Variants in MRTFB observed in about 807,000 individuals in gnomAD.
The protein encoded by MRTFB is myocardin related transcription factor B, also known as myocardin-related transcription factor B.
MRTFB carries 29 observed loss-of-function variants against 104.2 expected under a neutral mutation model. That is an observed-to-expected ratio of 0.28 (90% confidence interval 0.21 to 0.38). MRTFB has a LOEUF of 0.38. Ranked by LOEUF, MRTFB falls within the 10% of genes least tolerant of loss-of-function variation. MRTFB has a pLI of 1.00. For synonymous variants in MRTFB, 535 were observed against 519.5 expected, an observed-to-expected ratio of 1.03 and a Z score of -0.41; for missense variants, 1,270 against 1,341.6, an observed-to-expected ratio of 0.95 and a Z score of 0.83.
At chr16:14,015,663 C>T in the MRTFB span, among the ~76,000 whole-genome samples, 2 of 152,116 alleles carry the variant, frequency 1.3e-5, no homozygotes, top group Admixed American at 1.3e-4. Context: ...GAGGTGGCAC[C>T]AGGAATGGAT....
the MRTFB span, among the ~76,000 whole-genome samples, chr16:14,046,291 A>G: frequency 2.0e-5 from 3 of 152,036 alleles, no homozygotes; most frequent in Non-Finnish European, 4.4e-5. Flanking sequence ...GTGCCACCGC[A>G]CTCCAGCCTG....
intron 2 of MRTFB, among the ~76,000 whole-genome samples, chr16:14,086,012 A>G (rs147002748): frequency 6.6e-6 from 1 of 152,216 alleles, no homozygotes; most frequent in African/African-American, 2.4e-5. Context: ...TAGTATAGAC[A>G]TGGGAAAGTT....
chr16:14,204,550 T>A (rs1016978888), intron 3 of MRTFB, among the ~76,000 whole-genome samples: 1 of 152,200 alleles, frequency 6.6e-6, no homozygotes, highest in Non-Finnish European at 1.5e-5. Context: ...TGCATAAAAG[T>A]AGAGCAAATT....
chr16:14,091,859 G>A (rs533756671), intron 2 of MRTFB, among the ~76,000 whole-genome samples: 63 of 152,036 alleles, frequency 4.1e-4, no homozygotes, highest in African/African-American at 1.3e-3. Context: ...GCCAGGCATG[G>A]TGGCAGCTGC....
chr16:14,052,739 C>CA, the MRTFB span, among the ~76,000 whole-genome samples: 6,613 of 74,582 alleles, frequency 0.089, 456 homozygotes, highest in African/African-American at 0.25. Context: ...AACTCCATCT[C>CA]AAAAAAAAAA....
At chr16:14,212,511 A>G in intron 5 of MRTFB, 102 bp downstream of exon 5, 2 of 1,040,982 alleles carry the variant, frequency 1.9e-6, no homozygotes, top group Non-Finnish European at 2.9e-6. Flanking sequence ...ATATGTCAAT[A>G]GAGAAAAAAT....
At chr16:14,248,392 G>T (rs2043113977) in intron 12 of MRTFB, 1 of 152,178 alleles carries the variant, frequency 6.6e-6, no homozygotes, top group South Asian at 2.1e-4. Context: ...TTATCTTTAG[G>T]GTATCTGTGA....
chr16:14,075,288 C>A (rs2033968574), intron 1 of MRTFB, among the ~76,000 whole-genome samples: 1 of 152,222 alleles, frequency 6.6e-6, no homozygotes, highest in Admixed American at 6.5e-5. Context: ...CTTTGCGTAC[C>A]TTCTTCCTCA....
chr16:14,030,574 T>C, the MRTFB span, among the ~76,000 whole-genome samples: 44 of 152,318 alleles, frequency 2.9e-4, no homozygotes, highest in African/African-American at 9.4e-4. Flanking sequence ...AAGTTGACCC[T>C]AATTGCTGAC....
chr16:14,063,738 T>C, the MRTFB span, among the ~76,000 whole-genome samples: 8 of 152,330 alleles, frequency 5.3e-5, no homozygotes, highest in Admixed American at 1.3e-4. Flanking sequence ...ATGGGCAGGA[T>C]GTAGCAAACA....
At chr16:14,217,795 C>G (rs117834621) in intron 7 of MRTFB, among the ~76,000 whole-genome samples, 1,593 of 152,254 alleles carry the variant, frequency 0.01, 15 homozygotes, top group Non-Finnish European at 0.014. Flanking sequence ...CTGTCTACTT[C>G]TAGGAAATAT....
chr16:14,161,841 CA>C (rs1191301156), intron 3 of MRTFB, among the ~76,000 whole-genome samples: 1 of 152,020 alleles, frequency 6.6e-6, no homozygotes, highest in African/African-American at 2.4e-5. Flanking sequence ...ATTAGTACCT[CA>C]AAAATGACTA....
rs935421387 is a variant in MRTFB at position 14,217,526 on chromosome 16, T to A, written c.514+239T>A. On this transcript the variant is annotated intron_variant, in intron 7 of 16. Transcript: ENST00000571589. ...TTTAATTCTTAACATTCTGATTTCATCTCACCTTTTGGGGTCCATCTCTTT... is the reference window on the plus strand; with the variant it reads ...TTTAATTCTTAACATTCTGATTTCAACTCACCTTTTGGGGTCCATCTCTTT... Among the ~76,000 whole-genome samples the A allele has an allele frequency of 5.9e-5, 9 of 152,230 alleles. No homozygotes were observed. The South Asian group carries it at 1.0e-3, about 18-fold the overall frequency.
intron 2 of MRTFB, among the ~76,000 whole-genome samples, chr16:14,114,867 A>G (rs1411789639): frequency 6.6e-6 from 1 of 152,216 alleles, no homozygotes; most frequent in East Asian, 1.9e-4. Context: ...CCAAGGGGCT[A>G]TCTGGCTACC....
At chr16:14,125,923 A>G (rs1311257187) in intron 2 of MRTFB, among the ~76,000 whole-genome samples, 2 of 152,214 alleles carry the variant, frequency 1.3e-5, no homozygotes, top group East Asian at 3.8e-4. Flanking sequence ...CCCTTTCCTT[A>G]GTTTAGTCAT....
Position 14,194,222 on chromosome 16 carries a change from C to G in MRTFB, c.155-16021C>G, listed in dbSNP as rs542773846. Among the ~76,000 whole-genome samples, 6 of 152,308 alleles carry G rather than the reference C, an allele frequency of 3.9e-5. No homozygotes were observed. In the East Asian group the frequency reaches 1.2e-3, roughly 29 times the overall value. ...ACTGCAATAACAAAATACCGGTGGA[C>G]TACCTGGCTTAAACAACAGAAGTTA... On this transcript the variant is annotated intron_variant, in intron 3 of 16. Transcript: ENST00000571589.
intron 3 of MRTFB, among the ~76,000 whole-genome samples, chr16:14,162,152 C>CAAAAAAAAAAAAAAAA (rs376183467): frequency 1.6e-5 from 1 of 62,676 alleles, no homozygotes; most frequent in African/African-American, 4.4e-5. Flanking sequence ...CCTGTCTCTA[C>CAAAAAAAAAAAAAAAA]AAAAAAAAAA....
At chr16:14,084,641 AC>A (rs1322548223) in intron 2 of MRTFB, among the ~76,000 whole-genome samples, 1 of 152,250 alleles carries the variant, frequency 6.6e-6, no homozygotes, top group Non-Finnish European at 1.5e-5. Flanking sequence ...AATATGACTT[AC>A]AAACTTGGGT....
chr16:14,136,527 C>A (rs2142510325), intron 2 of MRTFB, among the ~76,000 whole-genome samples: 1 of 152,240 alleles, frequency 6.6e-6, no homozygotes, highest in East Asian at 1.9e-4. Context: ...CCAACAACCC[C>A]TACCCATCAG....
Sources: allele counts gnomAD v4.1 joint callset (sites outside exome capture counted in the v4.1 genomes callset), GRCh38; gene constraint gnomAD v4.1.1; transcripts MANE v1.5; gene names NCBI Gene and HGNC (gene_info 2026-07-23, HGNC 2026-07-21).